IPPK: variants seen among roughly 807,000 people sequenced by gnomAD.
The protein encoded by IPPK is IPK1 homolog.
A neutral mutation model predicts 64.6 loss-of-function variants in IPPK; 22 were observed. The ratio of observed to expected loss-of-function variants is 0.34; its 90% CI spans 0.24 to 0.49. The LOEUF (loss-of-function observed/expected upper bound fraction) is 0.49. IPPK is among the 20% of genes least tolerant of loss of function. IPPK has a pLI of 0.99. For synonymous variants in IPPK, 262 were observed against 247.2 expected, an observed-to-expected ratio of 1.06 and a Z score of -0.56; for missense variants, 532 against 630.7, an observed-to-expected ratio of 0.84 and a Z score of 1.68.
chr9:92,617,447 C>T (rs1851476271), intron 12 of IPPK: 2 of 152,574 alleles, frequency 1.3e-5, no homozygotes, highest in Admixed American at 6.5e-5. Context: ...TCCATGGGAA[C>T]CAATGGCAGT....
At chr9:92,657,481 G>A (rs189245065) in intron 2 of IPPK, among the ~76,000 whole-genome samples, 14 of 152,256 alleles carry the variant, frequency 9.2e-5, no homozygotes, top group Non-Finnish European at 1.9e-4. Context: ...ACACTGCCCC[G>A]GCCACTCCAC....
Position 92,642,011 on chromosome 9 carries a change from T to C in IPPK, c.563+741A>G, listed in dbSNP as rs7024601. Among the ~76,000 whole-genome samples, 857 of 152,226 alleles carry C rather than the reference T, an allele frequency of 5.6e-3. 13 individuals carry two copies. The highest frequency in any genetic ancestry group is 0.019 in the African/African-American group (806 of 41,530). On this transcript the variant is annotated intron_variant, in intron 7 of 12. Coordinates refer to ENST00000287996, the MANE Select transcript of IPPK (RefSeq NM_022755.6). ...AGGACTCTCTCCTGGGGGTGTGAGG[T>C]GGGGGTGCCTGAGTTGGGGCAGGGC...
rs546693162 is a variant in IPPK at position 92,616,232 on chromosome 9, G to A, written c.1251-175C>T. 7 of 564,722 alleles carry A rather than the reference G, an allele frequency of 1.2e-5. No homozygotes were observed. The East Asian group carries it at 1.8e-4, about 15-fold the overall frequency. The allele number at this position is 564,722 out of a possible 1,614,324, so 35.0% of individuals were successfully genotyped here. ...GAGAAGTGAATGGCCTCACACCCCA[G>A]CTCACAAAGAGCACTCGTTCTGTGC... On this transcript the variant is annotated intron_variant, in intron 12 of 12. Coordinates refer to ENST00000287996, the MANE Select transcript of IPPK (RefSeq NM_022755.6).
chr9:92,656,791 T>C (rs911329632), intron 2 of IPPK, among the ~76,000 whole-genome samples: 4 of 152,206 alleles, frequency 2.6e-5, no homozygotes. Context: ...GGTAGCAGTC[T>C]GAGGACCGCA....
intron 6 of IPPK, among the ~76,000 whole-genome samples, chr9:92,644,515 G>A (rs1047050575): frequency 1.3e-5 from 2 of 152,084 alleles, no homozygotes; most frequent in Admixed American, 1.3e-4. Flanking sequence ...AAGCGTTCCC[G>A]GAAAGATCAC....
chr9:92,635,327 G>A lies in IPPK; in HGVS notation c.917-19C>T. 6.2e-7 allele frequency: 1 copy of A among 1,602,656 alleles called. No homozygotes were observed. The highest frequency in any genetic ancestry group is 1.1e-5 in the South Asian group (1 of 90,624). On this transcript the variant is annotated intron_variant, in intron 9 of 12. Coordinates refer to ENST00000287996, the MANE Select transcript of IPPK (RefSeq NM_022755.6). The surrounding 1 kb of genome is among the most constrained non-coding windows in gnomAD (Gnocchi z 4.4). ...TTTTTTCCTACCGAGAACATCAGGG[G>A]AAAACGAGAGCATGTTGATTATCAA...
rs1044734885 is a variant in IPPK at position 92,635,541 on chromosome 9, A to T, written c.917-233T>A. ...CCACACTGGATGCACCAGGCCAAGC[A>T]CAAAGGAGGGAGCAAGAAATGCACA... On this transcript the variant is annotated intron_variant, in intron 9 of 12. Coordinates refer to ENST00000287996, the MANE Select transcript of IPPK (RefSeq NM_022755.6). This position sits in a 1 kb window ranked among gnomAD's most constrained non-coding sequence, Gnocchi z 4.4. 5.9e-5 allele frequency among the ~76,000 whole-genome samples: 9 copies of T among 152,226 alleles called. No homozygotes were observed. The highest frequency in any genetic ancestry group is 1.7e-4 in the African/African-American group (7 of 41,452).
chr9:92,630,589 A>G (rs572788158), intron 11 of IPPK, among the ~76,000 whole-genome samples: 1 of 152,326 alleles, frequency 6.6e-6, no homozygotes, highest in Admixed American at 6.5e-5. Context: ...GAAATAGCTA[A>G]GCTACAAGAA....
In IPPK at chr9:92,638,219, A is replaced by G; in HGVS notation, c.698T>C (p.Leu233Pro). 6.2e-7 allele frequency: 1 copy of G among 1,614,230 alleles called. No homozygotes were observed. Among genetic ancestry groups the G allele is most frequent in the Non-Finnish European group, 8.5e-7 (1 of 1,180,026 alleles). ...GAAGAACGGCTTCAGGTGGTGTGCA[A>G]GCTCGCTCCAGTCAGCCACGGGGCT... ...ARSPVADWSE[L>P]AHHLKPFFFP... The change falls in exon 9 of 13, where the codon CTT (leucine) becomes CCT (proline). Residue 233 changes from leucine (L) to proline (P), a missense_variant. Physicochemically the swap from Leu to Pro is moderately conservative, Grantham distance 98. Coordinates refer to ENST00000287996, the MANE Select transcript of IPPK (RefSeq NM_022755.6).
At chr9:92,649,601 G>C in intron 4 of IPPK, 27 bp from the exon 5 acceptor site, 1 of 1,612,874 alleles carries the variant, frequency 6.2e-7, no homozygotes, top group South Asian at 1.1e-5. Context: ...GGGTCACACA[G>C]AGCAAGGTCA....
At position 92,634,630 on chromosome 9, in the gene IPPK, A is replaced by C. The variant is rs112795696; in HGVS notation, c.1068-142T>G. ...AACACATAACAGATCTATCTCCCTC[A>C]TGTTAAACATCAAGGTTTTTAACAG... On this transcript the variant is annotated intron_variant, in intron 10 of 12. Transcript: ENST00000287996. 3.8e-3 allele frequency: 2,404 copies of C among 638,292 alleles called. 51 individuals are homozygous for C. The African/African-American group carries it at 0.039, about 10-fold the overall frequency. The allele number at this position is 638,292 out of a possible 1,614,324, so 39.5% of individuals were successfully genotyped here. A position where few individuals can be genotyped will look rare whatever the true frequency, so the allele number is the denominator to read the frequency against.
At chr9:92,648,385 C>T (rs1478879861) in intron 5 of IPPK, among the ~76,000 whole-genome samples, 1 of 152,196 alleles carries the variant, frequency 6.6e-6, no homozygotes. Flanking sequence ...TCAGTGGTGC[C>T]TCTGCACTAG....
At chr9:92,657,064 C>T (rs1009028652) in intron 2 of IPPK, among the ~76,000 whole-genome samples, 2 of 152,146 alleles carry the variant, frequency 1.3e-5, no homozygotes, top group Admixed American at 6.5e-5. Context: ...ACAAAAAAAA[C>T]CCTGGCCAGG....
chr9:92,652,722 G>C, intron 3 of IPPK, 83 bp from the exon 4 acceptor site: 1 of 624,702 alleles, frequency 1.6e-6, no homozygotes, highest in Non-Finnish European at 2.8e-6. Flanking sequence ...CCTAAAAACA[G>C]TTGAGCTGTT....
chr9:92,629,427 G>T (rs1275353360), intron 11 of IPPK, among the ~76,000 whole-genome samples: 2 of 152,236 alleles, frequency 1.3e-5, no homozygotes, highest in South Asian at 2.1e-4. Flanking sequence ...AATATACAAA[G>T]AATTCTCAAG....
At chr9:92,618,880 G>A (rs759350183) in intron 12 of IPPK, 22 of 341,298 alleles carry the variant, frequency 6.4e-5, no homozygotes, top group African/African-American at 2.4e-4. Flanking sequence ...AATACTGGGT[G>A]CAGGGTTTAG....
intron 12 of IPPK, chr9:92,618,417 C>G: frequency 2.2e-6 from 1 of 456,678 alleles, no homozygotes. Context: ...TAAGAGATTC[C>G]CAGGTGCTAG....
In IPPK at chr9:92,653,968, G is replaced by A. The variant is rs62574676; in HGVS notation, c.226-1329C>T. Among the ~76,000 whole-genome samples, 10 of 152,324 alleles carry A rather than the reference G, an allele frequency of 6.6e-5. No individual in the cohort carries two copies. The East Asian group carries it at 1.5e-3, about 23-fold the overall frequency. On this transcript the variant is annotated intron_variant, in intron 3 of 12. Transcript: ENST00000287996. The stretch of plus-strand genomic sequence containing the variant: ...CGCATGCCGACTCTGGATGCCTCGC[G>A]TGTGAGAACCATCGCCCAAAACCAC...
chr9:92,636,754 G>GTTTTA (rs1465846548), intron 9 of IPPK, among the ~76,000 whole-genome samples: 1 of 152,100 alleles, frequency 6.6e-6, no homozygotes, highest in Non-Finnish European at 1.5e-5. Context: ...TGATCTTATT[G>GTTTTA]TTTTAAACTG....
Sources: gnomAD v4.1 joint callset for allele counts (sites outside exome capture counted in the v4.1 genomes callset) on GRCh38, gnomAD v4.1.1 for gene constraint, Gnocchi (gnomAD v3.1) non-coding constraint, MANE v1.5 for transcripts, NCBI Gene and HGNC (gene_info 2026-07-23, HGNC 2026-07-21) for gene names.